The following CCDC40 variants were observed in gnomAD, a reference collection of about 807,000 sequenced individuals.
CCDC40 encodes the protein coiled-coil domain 40 molecular ruler complex subunit.
CCDC40 carries 104 observed loss-of-function variants against 124.5 expected under a neutral mutation model. The observed-to-expected ratio is 0.84, with a 90% confidence interval of 0.71 to 0.98. CCDC40 has a LOEUF of 0.98. CCDC40 is among the 50% of genes least tolerant of loss of function. CCDC40 has a pLI of 0.00. For missense variants in CCDC40, 1,463 were observed against 1,503.9 expected (o/e 0.97, Z 0.45); for synonymous variants, 580 against 602.9 (o/e 0.96, Z 0.56).
Position 80,089,857 on chromosome 17 carries a change from C to G in CCDC40, c.2805C>G (p.Ala935=). 6.2e-7 allele frequency: 1 copy of G among 1,614,244 alleles called. No individual in the cohort carries two copies. Among genetic ancestry groups the G allele is most frequent in the Non-Finnish European group, 8.5e-7 (1 of 1,180,048 alleles). ...AGATCGGCCAGACGGAGATCCGGGCCATGAAGGGCGAGATCCACAGGATGA... is the reference window on the plus strand; with the variant it reads ...AGATCGGCCAGACGGAGATCCGGGCGATGAAGGGCGAGATCCACAGGATGA... ...DSEIGQTEIR[A]MKGEIHRMKV... Residue 935 remains alanine, a synonymous_variant, in exon 17 of 20, where the codon GCC becomes GCG. Transcript: ENST00000397545.
At chr17:80,090,599 C>T (rs1286756954) in intron 17 of CCDC40, 1 of 1,483,352 alleles carries the variant, frequency 6.7e-7, no homozygotes, top group Non-Finnish European at 8.9e-7. Flanking sequence ...CTAACGTATC[C>T]CACTGTGAGA....
At chr17:80,090,909 T>G in intron 17 of CCDC40, 1 of 726,750 alleles carries the variant, frequency 1.4e-6, no homozygotes, top group East Asian at 9.0e-5. Flanking sequence ...TTAATTGACT[T>G]TTCATATTAC....
rs2038600770 is a variant in CCDC40, at chr17:80,086,966, C to A, written c.2450-641C>A. ...TATCGGTGTCCCAAGGCAAGAGCTG[C>A]CGAAATACCATGCTGTGAGATGGGG... is the stretch of plus-strand genomic sequence containing the variant. On this transcript the variant is annotated intron_variant, in intron 14 of 19. Coordinates refer to ENST00000397545, the MANE Select transcript of CCDC40 (RefSeq NM_017950.4). The surrounding 1 kb of genome is among the most constrained non-coding windows in gnomAD (Gnocchi z 5.5). 6.0e-6 allele frequency: 1 copy of A among 166,512 alleles called. No individual in the cohort carries two copies. Among genetic ancestry groups the A allele is most frequent in the Admixed American group, 5.5e-5 (1 of 18,276 alleles). The allele number at this position is 166,512 out of a possible 1,614,324, so 10.3% of individuals were successfully genotyped here.
chr17:80,088,624 C>G (rs908897466), intron 16 of CCDC40, among the ~76,000 whole-genome samples: 1 of 152,192 alleles, frequency 6.6e-6, no homozygotes, highest in Non-Finnish European at 1.5e-5. Flanking sequence ...CGGGGCAACA[C>G]AGTGAGACCC....
chr17:80,064,441 C>T (rs772610807), intron 9 of CCDC40, among the ~76,000 whole-genome samples: 5 of 152,104 alleles, frequency 3.3e-5, no homozygotes, highest in African/African-American at 9.7e-5. Flanking sequence ...AACAAGACCG[C>T]GATCCAGGCC....
Position 80,099,911 on chromosome 17 carries a change from C to A in CCDC40, c.*136C>A. ...AAGGGCATCGTTTAAGAGAAATAAG[C>A]CAGCCCCACCCATAGGAATCTTTTT... is the stretch of plus-strand genomic sequence containing the variant. On this transcript the variant is annotated 3_prime_UTR_variant, in exon 20 of 20. Transcript: ENST00000397545. The A allele has an allele frequency of 3.3e-6, 3 of 908,876 alleles. No individual in the cohort carries two copies. The highest frequency in any genetic ancestry group is 5.0e-6 in the Non-Finnish European group (3 of 598,730). The allele number at this position is 908,876 out of a possible 1,614,324, so 56.3% of individuals were successfully genotyped here.
chr17:80,090,869 A>G (rs1195867599), intron 17 of CCDC40: 2 of 999,716 alleles, frequency 2.0e-6, no homozygotes, highest in African/African-American at 3.4e-5. Flanking sequence ...TGCATATGCT[A>G]ATAAGATGTT....
chr17:80,096,121 G>T (rs572694556), intron 18 of CCDC40, among the ~76,000 whole-genome samples: 1 of 152,338 alleles, frequency 6.6e-6, no homozygotes, highest in Admixed American at 6.5e-5. Flanking sequence ...GACCTGCAGG[G>T]CCTCGTCTGC....
intron 12 of CCDC40, among the ~76,000 whole-genome samples, chr17:80,082,699 G>T (rs1016991109): frequency 3.9e-5 from 6 of 152,180 alleles, no homozygotes; most frequent in Non-Finnish European, 7.4e-5. Flanking sequence ...GCTGAAGGGC[G>T]TGGTGGGTGT....
chr17:80,067,468 C>A, intron 10 of CCDC40: 1 of 847,986 alleles, frequency 1.2e-6, no homozygotes, highest in Non-Finnish European at 1.9e-6. Context: ...ACACCACACT[C>A]ACTGTTCTGC....
At chr17:80,046,884 T>TAACA (rs1488846038) in intron 3 of CCDC40, among the ~76,000 whole-genome samples, 2 of 152,206 alleles carry the variant, frequency 1.3e-5, no homozygotes, top group African/African-American at 4.8e-5. Flanking sequence ...CTTGCTCTGT[T>TAACA]GCCCAGGCTG....
At position 80,040,166 on chromosome 17, in the gene CCDC40, GA is replaced by G; in HGVS notation, c.450del (p.Glu150AspfsTer17). 1 of 1,614,002 alleles carries G rather than the reference GA, an allele frequency of 6.2e-7. No individual in the cohort carries two copies. The highest frequency in any genetic ancestry group is 8.5e-7 in the Non-Finnish European group (1 of 1,179,882). The stretch of plus-strand genomic sequence containing the variant: ...CCAGCAAGAGGCCACCGGTCCACCA[GA>G]ATCCAGAGAAAGGAGGGTCACCTCC... ...GFQQEATGPP[E>X]SRERRVTSPE... On this transcript the variant is annotated frameshift_variant, in exon 3 of 20. Coordinates refer to ENST00000397545, the MANE Select transcript of CCDC40 (RefSeq NM_017950.4). LOFTEE classifies it high-confidence loss of function.
At position 80,087,826 on chromosome 17, in the gene CCDC40, G is replaced by A. The variant is rs1274622879; in HGVS notation, c.2619+50G>A. On this transcript the variant is annotated intron_variant, in intron 15 of 19. Coordinates refer to ENST00000397545, the MANE Select transcript of CCDC40 (RefSeq NM_017950.4). The surrounding 1 kb of genome is among the most constrained non-coding windows in gnomAD (Gnocchi z 4.5). ...GGGGCTCAGGACGATGGAGGGCGGGGGTACGGTCCTTGCGGTGGGCGTTCT... is the reference window on the plus strand; with the variant it reads ...GGGGCTCAGGACGATGGAGGGCGGGAGTACGGTCCTTGCGGTGGGCGTTCT... 2 of 1,567,822 alleles carry A rather than the reference G, an allele frequency of 1.3e-6. No individual in the cohort carries two copies. The highest frequency in any genetic ancestry group is 1.8e-6 in the Non-Finnish European group (2 of 1,138,722).
chr17:80,082,986 G>C (rs1375917449), intron 12 of CCDC40, among the ~76,000 whole-genome samples: 1 of 152,202 alleles, frequency 6.6e-6, no homozygotes, highest in Non-Finnish European at 1.5e-5. Flanking sequence ...GGGTGGGGAG[G>C]CATATCTGGG....
intron 12 of CCDC40, among the ~76,000 whole-genome samples, chr17:80,082,644 C>T (rs1042635402): frequency 2.0e-5 from 3 of 152,074 alleles, no homozygotes; most frequent in African/African-American, 7.2e-5. Context: ...CAAGCTCTGC[C>T]GGTTTTGCCC....
intron 7 of CCDC40, among the ~76,000 whole-genome samples, chr17:80,054,417 A>G (rs1317935741): frequency 1.3e-5 from 2 of 152,240 alleles, no homozygotes; most frequent in Non-Finnish European, 2.9e-5. Flanking sequence ...CCTTTCAAGG[A>G]ACAAACACTT....
chr17:80,062,392 G>A (rs1311675290), intron 9 of CCDC40, among the ~76,000 whole-genome samples: 1 of 151,876 alleles, frequency 6.6e-6, no homozygotes, highest in Non-Finnish European at 1.5e-5. Context: ...CCATGCTGGT[G>A]TGCTGCACCC....
At chr17:80,094,545 A>C (rs181873787) in intron 17 of CCDC40, among the ~76,000 whole-genome samples, 3 of 152,166 alleles carry the variant, frequency 2.0e-5, no homozygotes, top group Admixed American at 6.5e-5. Context: ...AAATACAAAA[A>C]TTAGCCAGGC....
chr17:80,044,239 C>G (rs555329065), intron 3 of CCDC40, among the ~76,000 whole-genome samples: 1 of 152,310 alleles, frequency 6.6e-6, no homozygotes, highest in South Asian at 2.1e-4. Context: ...GCACCCATCC[C>G]TCCTACTCCC....
Sources: allele counts gnomAD v4.1 joint callset (sites outside exome capture counted in the v4.1 genomes callset), GRCh38; gene constraint gnomAD v4.1.1; non-coding constraint Gnocchi (gnomAD v3.1); transcripts MANE v1.5; gene names NCBI Gene and HGNC (gene_info 2026-07-23, HGNC 2026-07-21).